The following ESRRB variants were observed in gnomAD, a reference collection of about 807,000 sequenced individuals.
ESRRB encodes the protein estrogen related receptor beta.
A neutral mutation model predicts 46.0 loss-of-function variants in ESRRB; 16 were observed. That is an observed-to-expected ratio of 0.35 (90% CI 0.24 to 0.53). ESRRB has a LOEUF of 0.53. Among genes scored for constraint, ESRRB ranks in the 20% least tolerant of loss-of-function variants. ESRRB has a pLI of 0.93. For synonymous variants in ESRRB, 246 were observed against 259.6 expected (o/e 0.95, Z 0.50); for missense variants, 488 against 607.4 (o/e 0.80, Z 2.07).
intron 3 of ESRRB, among the ~76,000 whole-genome samples, chr14:76,480,141 G>A (rs1287076003): frequency 6.6e-6 from 1 of 152,192 alleles, no homozygotes. Flanking sequence ...TTACAGGGGT[G>A]AGCCACCGCA....
At chr14:76,464,360 C>T (rs1037109499) in intron 3 of ESRRB, among the ~76,000 whole-genome samples, 15 of 152,208 alleles carry the variant, frequency 9.9e-5, no homozygotes, top group Non-Finnish European at 1.5e-4. Context: ...AGACCTAAGA[C>T]GCTTTGTCAA....
In ESRRB at chr14:76,376,996, C is replaced by T. The variant is rs753447648; in HGVS notation, c.50+545C>T. The stretch of plus-strand genomic sequence containing the variant: ...TCGCCTCGCGGTCTCCGTGGGGCGC[C>T]CCGAGGGTGCGCACGTGGCGCGGCG... On this transcript the variant is annotated intron_variant, in intron 1 of 6. Transcript: ENST00000644823. The surrounding 1 kb of genome is among the most constrained non-coding windows in gnomAD (Gnocchi z 4.1). 3.0e-4 allele frequency among the ~76,000 whole-genome samples: 45 copies of T among 152,214 alleles called. No individual in the cohort carries two copies. The highest frequency in any genetic ancestry group is 5.7e-4 in the Non-Finnish European group (39 of 68,028).
chr14:76,341,504 T>A (rs1169057985), intron 1 of ESRRB, among the ~76,000 whole-genome samples: 1 of 152,240 alleles, frequency 6.6e-6, no homozygotes, highest in African/African-American at 2.4e-5. Context: ...CTGACATTTC[T>A]CTTGAGACTT....
intron 2 of ESRRB, among the ~76,000 whole-genome samples, chr14:76,450,528 G>GACC (rs1344751591): frequency 6.6e-6 from 1 of 152,140 alleles, no homozygotes; most frequent in Non-Finnish European, 1.5e-5. Flanking sequence ...AGTCTTTTGA[G>GACC]CAATTCCTGG....
intron 3 of ESRRB, among the ~76,000 whole-genome samples, chr14:76,471,959 G>A (rs1889390010): frequency 6.6e-6 from 1 of 152,212 alleles, no homozygotes; most frequent in Non-Finnish European, 1.5e-5. Flanking sequence ...CTAAGAAATG[G>A]AAGGCAGGGG....
At chr14:76,487,634 C>G (rs892357712) in intron 5 of ESRRB, among the ~76,000 whole-genome samples, 1 of 151,606 alleles carries the variant, frequency 6.6e-6, no homozygotes, top group Non-Finnish European at 1.5e-5. Context: ...GCCAGGATCT[C>G]GCTTTGTCAC....
intron 1 of ESRRB, among the ~76,000 whole-genome samples, chr14:76,331,864 C>T (rs1172931991): frequency 6.8e-6 from 1 of 146,068 alleles, no homozygotes; most frequent in South Asian, 2.3e-4. Flanking sequence ...AGTCCCCCAG[C>T]CCCGATCTTG....
intron 1 of ESRRB, among the ~76,000 whole-genome samples, chr14:76,317,778 C>G (rs1439152855): frequency 6.6e-6 from 1 of 152,028 alleles, no homozygotes; most frequent in East Asian, 1.9e-4. Flanking sequence ...ACCACAGTTT[C>G]CTTAATTATA....
chr14:76,376,184 C>T lies in ESRRB; in HGVS notation c.-218C>T, dbSNP rs1038206374. ...CTCCACGGCTTCGCATCCCCTCTGC[C>T]CGCTCTCTCCGGAGCGTGCGGATGA... On this transcript the variant is annotated 5_prime_UTR_variant, in exon 1 of 7. Transcript: ENST00000644823. This position sits in a 1 kb window ranked among gnomAD's most constrained non-coding sequence, Gnocchi z 4.1. The T allele has an allele frequency of 1.3e-5, 5 of 393,272 alleles. No individual in the cohort carries two copies. Among genetic ancestry groups the T allele is most frequent in the Non-Finnish European group, 1.8e-5 (4 of 223,578 alleles). The allele number at this position is 393,272 out of a possible 1,614,324, so 24.4% of individuals were successfully genotyped here. A position where few individuals can be genotyped will look rare whatever the true frequency, so the allele number is the denominator to read the frequency against.
chr14:76,454,577 G>A (rs1338732093), intron 2 of ESRRB, among the ~76,000 whole-genome samples: 2 of 152,108 alleles, frequency 1.3e-5, no homozygotes, highest in African/African-American at 4.8e-5. Context: ...TCAGGTAGAG[G>A]GAGGTATGGG....
intron 3 of ESRRB, among the ~76,000 whole-genome samples, chr14:76,470,871 TG>T (rs1304614208): frequency 1.3e-5 from 2 of 152,178 alleles, no homozygotes; most frequent in Non-Finnish European, 2.9e-5. Context: ...AAATTTTTTT[TG>T]TAGAGACAAA....
intron 1 of ESRRB, among the ~76,000 whole-genome samples, chr14:76,411,404 C>T (rs554601206): frequency 1.3e-5 from 2 of 152,018 alleles, no homozygotes; most frequent in South Asian, 2.1e-4. Flanking sequence ...GCTGAGATTG[C>T]GCCACCGAAC....
Position 76,500,969 on chromosome 14 carries a change from C to T in ESRRB, c.*2511C>T. The T allele has an allele frequency of 1.8e-6, 1 of 565,434 alleles. No homozygotes were observed. The highest frequency in any genetic ancestry group is 3.2e-6 in the Non-Finnish European group (1 of 316,154). 35.0% of individuals were successfully genotyped at this position (565,434 alleles called of 1,614,324 possible). A position where few individuals can be genotyped will look rare whatever the true frequency, so the allele number is the denominator to read the frequency against. On this transcript the variant is annotated 3_prime_UTR_variant, in exon 7 of 7. Transcript: ENST00000644823. ...TGGTACTGAAGGGGTCCATTGGACACTCAGAAAAGAAGTTCAGGGGCCAAC... is the reference window on the plus strand; with the variant it reads ...TGGTACTGAAGGGGTCCATTGGACATTCAGAAAAGAAGTTCAGGGGCCAAC...
In ESRRB at chr14:76,376,196, G is replaced by T. The variant is rs1884757443; in HGVS notation, c.-206G>T. On this transcript the variant is annotated 5_prime_UTR_variant, in exon 1 of 7. Transcript: ENST00000644823. The surrounding 1 kb of genome is among the most constrained non-coding windows in gnomAD (Gnocchi z 4.1). ...GCATCCCCTCTGCCCGCTCTCTCCG[G>T]AGCGTGCGGATGAGTGGAGAGCTGG... 7.6e-6 allele frequency: 3 copies of T among 395,368 alleles called. No individual in the cohort carries two copies. In the Admixed American group the frequency reaches 1.3e-4, roughly 18 times the overall value. 24.5% of individuals were successfully genotyped at this position (395,368 alleles called of 1,614,324 possible). A position where few individuals can be genotyped will look rare whatever the true frequency, so the allele number is the denominator to read the frequency against.
At chr14:76,496,852 G>A (rs1890451279) in intron 6 of ESRRB, among the ~76,000 whole-genome samples, 1 of 152,188 alleles carries the variant, frequency 6.6e-6, no homozygotes, top group South Asian at 2.1e-4. Flanking sequence ...GAGCCTGCTG[G>A]CTGCGGTTTA....
intron 1 of ESRRB, among the ~76,000 whole-genome samples, chr14:76,342,262 G>A (rs1002691177): frequency 1.3e-5 from 2 of 152,154 alleles, no homozygotes; most frequent in African/African-American, 4.8e-5. Flanking sequence ...GCTTTCCCAG[G>A]GGTGAGCAGC....
Position 76,498,977 on chromosome 14 carries a change from G to C in ESRRB, c.*519G>C, listed in dbSNP as rs115169766. On this transcript the variant is annotated 3_prime_UTR_variant, in exon 7 of 7. Transcript: ENST00000644823. Reference sequence around the variant, plus strand: ...ACCTGCTCTGAGATCCTCTGGGGCCGGTCAAGAGGCCCCATACCTTCCACA... The same window carrying C: ...ACCTGCTCTGAGATCCTCTGGGGCCCGTCAAGAGGCCCCATACCTTCCACA... The C allele has an allele frequency of 8.8e-5, 36 of 411,078 alleles. No individual in the cohort carries two copies. Among genetic ancestry groups the C allele is most frequent in the Non-Finnish European group, 2.5e-5 (5 of 196,924 alleles). The allele number at this position is 411,078 out of a possible 1,614,324, so 25.5% of individuals were successfully genotyped here. A position where few individuals can be genotyped will look rare whatever the true frequency, so the allele number is the denominator to read the frequency against.
intron 1 of ESRRB, among the ~76,000 whole-genome samples, chr14:76,386,304 A>G (rs1283681373): frequency 6.6e-6 from 1 of 152,178 alleles, no homozygotes; most frequent in Non-Finnish European, 1.5e-5. Context: ...TTTTTTGTAT[A>G]AGTAAATCCT....
upstream of ESRRB, among the ~76,000 whole-genome samples, chr14:76,366,622 C>T (rs1884525260): frequency 6.6e-6 from 1 of 152,104 alleles, no homozygotes; most frequent in African/African-American, 2.4e-5. Flanking sequence ...AGATGGTCGC[C>T]CCGGGAAGTA....
Sources: allele counts gnomAD v4.1 joint callset (sites outside exome capture counted in the v4.1 genomes callset), GRCh38; gene constraint gnomAD v4.1.1; non-coding constraint Gnocchi (gnomAD v3.1); transcripts MANE v1.5; gene names NCBI Gene and HGNC (gene_info 2026-07-23, HGNC 2026-07-21).